Variants in TENM1 observed in about 807,000 individuals in gnomAD.
TENM1 encodes teneurin-1.
Under a neutral mutation model 174.8 loss-of-function variants are expected in TENM1, and 35 were observed. The ratio of observed to expected loss-of-function variants is 0.20; its 90% confidence interval spans 0.15 to 0.27. The LOEUF (loss-of-function observed/expected upper bound fraction) is 0.27. Among genes scored for constraint, TENM1 ranks in the 10% least tolerant of loss-of-function variants. TENM1 has a pLI of 1.00. For missense variants in TENM1, 1,633 were observed against 2,130.1 expected, an observed-to-expected ratio of 0.77 and a Z score of 4.59; for synonymous variants, 781 against 798.7, an observed-to-expected ratio of 0.98 and a Z score of 0.37.
chrX:125,014,497 A>G, the TENM1 span, among the ~76,000 whole-genome samples: 8,614 of 112,317 alleles, frequency 0.077, 275 homozygotes, highest in South Asian at 0.2. Flanking sequence ...GAAATTTTTA[A>G]TCACTAAAAC....
chrX:125,114,147 G>A, the TENM1 span, among the ~76,000 whole-genome samples: 1 of 111,746 alleles, frequency 8.9e-6, no homozygotes, highest in African/African-American at 3.3e-5. Flanking sequence ...TGAACAACCT[G>A]TTCCTGAAAG....
At chrX:124,598,192 C>T (rs1201208435) in intron 11 of TENM1, among the ~76,000 whole-genome samples, 1 of 84,541 alleles carries the variant, frequency 1.2e-5, no homozygotes, top group East Asian at 3.9e-4. Flanking sequence ...AATCATCTAA[C>T]CCCAGTTAAA....
Position 124,815,769 on chromosome X carries a change from G to A in TENM1, c.535+78527C>T, listed in dbSNP as rs2055882646. 2.7e-5 allele frequency among the ~76,000 whole-genome samples: 3 copies of A among 110,951 alleles called. No individual in the cohort carries two copies. The South Asian group carries it at 1.1e-3, about 41-fold the overall frequency. Reference sequence around the variant, plus strand: ...TTTAAAACATTGCGAATGGTTCAGTGAAACAGAATTATTGAATGAAACAAT... The same window carrying A: ...TTTAAAACATTGCGAATGGTTCAGTAAAACAGAATTATTGAATGAAACAAT... On this transcript the variant is annotated intron_variant, in intron 3 of 31. Coordinates refer to ENST00000422452, the Ensembl canonical transcript of TENM1.
At chrX:124,510,554 A>G (rs1387779961) in intron 18 of TENM1, among the ~76,000 whole-genome samples, 2 of 111,807 alleles carry the variant, frequency 1.8e-5, no homozygotes, top group African/African-American at 6.5e-5. Context: ...TGTTGAAGGC[A>G]TACCTCCGTA....
chrX:124,936,879 T>G (rs1372667140), intron 1 of TENM1, among the ~76,000 whole-genome samples: 1 of 110,860 alleles, frequency 9.0e-6, no homozygotes, highest in Non-Finnish European at 1.9e-5. Flanking sequence ...AAACCTCATC[T>G]CTACTAAAAA....
At chrX:124,641,756 G>T in intron 11 of TENM1, 35 bp downstream of exon 14, 1 of 1,148,037 alleles carries the variant, frequency 8.7e-7, no homozygotes, top group African/African-American at 1.8e-5. Flanking sequence ...GAATTTAAGA[G>T]TAGAGGAAGG....
At chrX:124,885,182 T>C (rs1477756722) in intron 3 of TENM1, among the ~76,000 whole-genome samples, 4 of 110,923 alleles carry the variant, frequency 3.6e-5, no homozygotes, top group East Asian at 5.6e-4. Context: ...ACATTTCAAA[T>C]TGGTGAAAAA....
At chrX:124,944,015 A>T (rs1405381664) in intron 1 of TENM1, among the ~76,000 whole-genome samples, 1 of 111,946 alleles carries the variant, frequency 8.9e-6, no homozygotes, top group Non-Finnish European at 1.9e-5. Flanking sequence ...CATTACAATT[A>T]TCTGAATTTG....
intron 23 of TENM1, among the ~76,000 whole-genome samples, chrX:124,445,230 A>G (rs1390651414): frequency 8.9e-6 from 1 of 111,822 alleles, no homozygotes; most frequent in Non-Finnish European, 1.9e-5. Flanking sequence ...GGTGAAAGTT[A>G]AAGGAAGACA....
intron 27 of TENM1, among the ~76,000 whole-genome samples, chrX:124,401,772 TAA>T (rs761770216): frequency 6.3e-5 from 7 of 111,538 alleles, no homozygotes; most frequent in Non-Finnish European, 1.3e-4. Flanking sequence ...GGCATCAGCA[TAA>T]AAAAAATCAC....
chrX:125,016,869 T>C, the TENM1 span, among the ~76,000 whole-genome samples: 1 of 111,190 alleles, frequency 9.0e-6, no homozygotes, highest in Admixed American at 9.6e-5. Context: ...AACAAATATA[T>C]AGACCAATGG....
In TENM1 at chrX:124,623,276, T is replaced by C. The variant is rs141621034; in HGVS notation, c.2077+18515A>G. On this transcript the variant is annotated intron_variant, in intron 11 of 31. Transcript: ENST00000422452. ...GTGTGAGTGTGCATATATGTGTGAG[T>C]GTGCAAGAGTCTGAGTATATGTGAA... is the stretch of plus-strand genomic sequence containing the variant. Among the ~76,000 whole-genome samples, 141 of 110,803 alleles carry C rather than the reference T, an allele frequency of 1.3e-3. 1 individual carries two copies. The highest frequency in any genetic ancestry group is 4.5e-3 in the African/African-American group (137 of 30,416).
At chrX:125,006,681 A>G in the TENM1 span, among the ~76,000 whole-genome samples, 2 of 111,416 alleles carry the variant, frequency 1.8e-5, no homozygotes, top group East Asian at 2.8e-4. Flanking sequence ...GCAGACCACA[A>G]TCTTTGCTAT....
chrX:124,805,607 TG>T (rs1347156226), intron 3 of TENM1, among the ~76,000 whole-genome samples: 2 of 112,630 alleles, frequency 1.8e-5, no homozygotes, highest in Admixed American at 9.3e-5. Flanking sequence ...ACAGTGGCCG[TG>T]GGCCCTGGAT....
intron 6 of TENM1, among the ~76,000 whole-genome samples, chrX:124,668,546 G>A (rs927419720): frequency 8.9e-6 from 1 of 111,831 alleles, no homozygotes; most frequent in Non-Finnish European, 1.9e-5. Context: ...CATGTCCTTT[G>A]TAGGGACATG....
intron 3 of TENM1, among the ~76,000 whole-genome samples, chrX:124,827,295 C>T (rs1170518721): frequency 1.8e-5 from 2 of 111,713 alleles, no homozygotes; most frequent in Non-Finnish European, 3.8e-5. Flanking sequence ...ATGATCTGCC[C>T]GCCTCGGCTT....
At chrX:124,807,364 G>A (rs2055630691) in intron 3 of TENM1, among the ~76,000 whole-genome samples, 1 of 112,092 alleles carries the variant, frequency 8.9e-6, no homozygotes, top group South Asian at 3.7e-4. Context: ...CTTTAGTAAT[G>A]AATGAGAAGT....
At chrX:124,961,708 C>T (rs1433881573) in intron 1 of TENM1, among the ~76,000 whole-genome samples, 1 of 110,976 alleles carries the variant, frequency 9.0e-6, no homozygotes, top group Non-Finnish European at 1.9e-5. Context: ...CACAGTGAAA[C>T]AGTGATGATG....
At chrX:125,143,435 T>A in the TENM1 span, among the ~76,000 whole-genome samples, 1 of 111,911 alleles carries the variant, frequency 8.9e-6, no homozygotes, top group Non-Finnish European at 1.9e-5. Context: ...TGAGTAAAGC[T>A]GATCTTGTTT....
Sources: gnomAD v4.1 joint callset for allele counts (sites outside exome capture counted in the v4.1 genomes callset) on GRCh38, gnomAD v4.1.1 for gene constraint, MANE v1.5 for transcripts, NCBI Gene and HGNC (gene_info 2026-07-23, HGNC 2026-07-21) for gene names.